The following DGKI variants were observed in gnomAD, a reference collection of about 807,000 sequenced individuals.
DGKI encodes DAG kinase iota.
DGKI carries 55 observed loss-of-function variants against 147.5 expected under a neutral mutation model. The observed-to-expected ratio is 0.37, with a 90% CI of 0.30 to 0.47. The LOEUF (loss-of-function observed/expected upper bound fraction) is 0.47. Ranked by LOEUF, DGKI falls within the 20% of genes least tolerant of loss-of-function variation. DGKI has a pLI of 1.00. For synonymous variants in DGKI, 469 were observed against 477.1 expected (o/e 0.98, Z 0.22); for missense variants, 1,007 against 1,323.8 (o/e 0.76, Z 3.71).
At chr7:137,742,089 C>T (rs1795188599) in intron 1 of DGKI, among the ~76,000 whole-genome samples, 1 of 152,180 alleles carries the variant, frequency 6.6e-6, no homozygotes, top group African/African-American at 2.4e-5. Context: ...AACGATCTCC[C>T]ATAAACAGTT....
intron 27 of DGKI, among the ~76,000 whole-genome samples, chr7:137,455,692 T>C (rs1415041852): frequency 6.7e-6 from 1 of 149,320 alleles, no homozygotes; most frequent in East Asian, 2.0e-4. Flanking sequence ...AAATAAGTAG[T>C]GCTAGCATGG....
intron 27 of DGKI, among the ~76,000 whole-genome samples, chr7:137,460,012 G>A (rs1000081290): frequency 8.1e-4 from 123 of 152,234 alleles, no homozygotes; most frequent in Middle Eastern, 6.8e-3. Flanking sequence ...CTGATAAGTA[G>A]TATTTTCAGT....
At chr7:137,826,138 C>T (rs1798051677) in intron 1 of DGKI, among the ~76,000 whole-genome samples, 1 of 152,100 alleles carries the variant, frequency 6.6e-6, no homozygotes, top group Non-Finnish European at 1.5e-5. Context: ...CTCTGGGTGG[C>T]CTTAAACCAA....
intron 28 of DGKI, among the ~76,000 whole-genome samples, chr7:137,425,649 GA>G (rs902573563): frequency 2.6e-5 from 4 of 152,162 alleles, no homozygotes; most frequent in African/African-American, 7.2e-5. Context: ...TAAAAACTTT[GA>G]AAAAAATTTA....
intron 23 of DGKI, 121 bp from the exon 24 acceptor site, chr7:137,469,740 T>C (rs550785739): frequency 1.3e-6 from 1 of 748,472 alleles, no homozygotes; most frequent in African/African-American, 1.8e-5. Flanking sequence ...ATCACATTTT[T>C]TTTTCTCTAG....
chr7:137,427,177 G>C (rs1159856437), intron 28 of DGKI, among the ~76,000 whole-genome samples: 1 of 152,174 alleles, frequency 6.6e-6, no homozygotes, highest in South Asian at 2.1e-4. Flanking sequence ...AAATGTAAAA[G>C]AACAGAAATT....
Position 137,386,636 on chromosome 7 carries a change from A to C in DGKI, c.*4584T>G, listed in dbSNP as rs1289153808. On this transcript the variant is annotated 3_prime_UTR_variant, in exon 33 of 33. Coordinates refer to ENST00000614521, the MANE Select transcript of DGKI (RefSeq NM_001321708.2). ...AGTAGTAGGCAGAAAGTTCAGGGAC[A>C]GGACTGCCGCTATGGCCCAAAACTT... 1 of 152,156 alleles carries C rather than the reference A, an allele frequency of 6.6e-6. No individual in the cohort carries two copies. The highest frequency in any genetic ancestry group is 1.5e-5 in the Non-Finnish European group (1 of 68,012). 9.4% of individuals were successfully genotyped at this position (152,156 alleles called of 1,614,324 possible). A position where few individuals can be genotyped will look rare whatever the true frequency, so the allele number is the denominator to read the frequency against.
chr7:137,463,284 G>T (rs887724537), intron 27 of DGKI, among the ~76,000 whole-genome samples: 1 of 152,192 alleles, frequency 6.6e-6, no homozygotes, highest in African/African-American at 2.4e-5. Context: ...AGGAGCAAAA[G>T]AAATGGAAGG....
At chr7:137,487,096 T>C (rs1815592257) in intron 22 of DGKI, among the ~76,000 whole-genome samples, 1 of 152,152 alleles carries the variant, frequency 6.6e-6, no homozygotes, top group Non-Finnish European at 1.5e-5. Flanking sequence ...TCACTTCCTT[T>C]CTGTTTCTCT....
At chr7:137,463,660 G>T (rs753362504) in intron 26 of DGKI, 49 bp from the exon 27 acceptor site, 1 of 1,591,272 alleles carries the variant, frequency 6.3e-7, no homozygotes, top group South Asian at 1.1e-5. Context: ...AGTCAGCCAC[G>T]TGACTTCGTT....
At chr7:137,473,194 A>C (rs1430524822) in intron 23 of DGKI, among the ~76,000 whole-genome samples, 2 of 152,000 alleles carry the variant, frequency 1.3e-5, no homozygotes. Context: ...TTGTTCACTT[A>C]TTTACTCTAC....
intron 21 of DGKI, among the ~76,000 whole-genome samples, chr7:137,505,103 C>T (rs1039709384): frequency 1.6e-5 from 2 of 121,742 alleles, no homozygotes; most frequent in Non-Finnish European, 3.3e-5. Flanking sequence ...AGGGGGGGAA[C>T]ATCCCACACT....
chr7:137,454,280 T>A (rs1387079750), intron 27 of DGKI, among the ~76,000 whole-genome samples: 8 of 152,256 alleles, frequency 5.3e-5, no homozygotes, highest in African/African-American at 7.2e-5. Context: ...AAACTAATTT[T>A]AAAAAAACGC....
chr7:137,670,463 C>T (rs921050400), intron 3 of DGKI, among the ~76,000 whole-genome samples: 2 of 152,144 alleles, frequency 1.3e-5, no homozygotes, highest in Admixed American at 6.5e-5. Context: ...TGCACGTGAA[C>T]GATCTCATGG....
intron 1 of DGKI, among the ~76,000 whole-genome samples, chr7:137,818,998 C>A (rs995642852): frequency 6.6e-6 from 1 of 152,160 alleles, no homozygotes; most frequent in African/African-American, 2.4e-5. Flanking sequence ...GCCCTCCCAA[C>A]TGCACAGAAG....
At chr7:137,662,639 G>A (rs1397636736) in intron 3 of DGKI, among the ~76,000 whole-genome samples, 9 of 152,120 alleles carry the variant, frequency 5.9e-5, no homozygotes, top group South Asian at 2.1e-4. Context: ...CCACATGTCC[G>A]GAGGAGTCTG....
rs187996694 is a variant in DGKI, at chr7:137,727,987, T to G, written c.402-37985A>C. Among the ~76,000 whole-genome samples the G allele has an allele frequency of 2.8e-3, 420 of 152,018 alleles. 5 individuals are homozygous for G. The highest frequency in any genetic ancestry group is 2.9e-3 in the Non-Finnish European group (196 of 67,964). Reference sequence around the variant, plus strand: ...CTACCTATAATTGTGTGAACAAAATTTAGTGAATAAAAAATTTACAGAAGT... The same window carrying G: ...CTACCTATAATTGTGTGAACAAAATGTAGTGAATAAAAAATTTACAGAAGT... On this transcript the variant is annotated intron_variant, in intron 1 of 32. Transcript: ENST00000614521.
At chr7:137,665,209 C>T (rs1021473720) in intron 3 of DGKI, among the ~76,000 whole-genome samples, 6 of 152,144 alleles carry the variant, frequency 3.9e-5, no homozygotes, top group Non-Finnish European at 5.9e-5. Context: ...GATAATTTCC[C>T]GTATGAGGTG....
chr7:137,477,794 C>T (rs1176098030), intron 23 of DGKI, among the ~76,000 whole-genome samples: 1 of 152,096 alleles, frequency 6.6e-6, no homozygotes, highest in Non-Finnish European at 1.5e-5. Context: ...GTAGCTGGGA[C>T]TACAGGCACA....
Sources: gnomAD v4.1 joint callset for allele counts (sites outside exome capture counted in the v4.1 genomes callset) on GRCh38, gnomAD v4.1.1 for gene constraint, MANE v1.5 for transcripts, NCBI Gene and HGNC (gene_info 2026-07-23, HGNC 2026-07-21) for gene names.